The following MINDY1 variants were observed in gnomAD, a reference collection of about 807,000 sequenced individuals.
MINDY1 encodes MINDY lysine 48 deubiquitinase 1, also known as ubiquitin carboxyl-terminal hydrolase MINDY-1.
Under a neutral mutation model 53.6 loss-of-function variants are expected in MINDY1, and 50 were observed. The observed-to-expected ratio is 0.93, with a 90% CI of 0.74 to 1.18. The LOEUF (loss-of-function observed/expected upper bound fraction) is 1.18, where lower values mean the gene tolerates loss of function less well. MINDY1 is among the 50% of genes most tolerant of loss of function. The pLI is 0.00. For synonymous variants in MINDY1, 231 were observed against 234.7 expected (o/e 0.98, Z 0.14); for missense variants, 484 against 578.6 (o/e 0.84, Z 1.68).
chr1:151,006,969 T>G, upstream of MINDY1: 4 of 880,960 alleles, frequency 4.5e-6, no homozygotes, highest in Non-Finnish European at 4.1e-6. Flanking sequence ...AGAAGCAGCT[T>G]GTTGGATCTG....
Position 151,002,585 on chromosome 1 carries a change from A to G in MINDY1, c.33T>C (p.Pro11=), listed in dbSNP as rs754063478. The part of the protein sequence containing the change: MEYHQPEDPA[P]GKAGTAEAVI... ...CTGCTTCTGCAGTCCCGGCCTTACC[A>G]GGGGCTGGATCCTCAGGCTGATGGT... Residue 11 remains proline (P), a synonymous_variant, in exon 2 of 10, where the codon CCT becomes CCC. Transcript: ENST00000683666. This position sits in a 1 kb window ranked among gnomAD's most constrained non-coding sequence, Gnocchi z 4.1. 6.2e-6 allele frequency: 10 copies of G among 1,614,164 alleles called. No individual in the cohort carries two copies. In the Admixed American group the frequency reaches 1.5e-4, roughly 24 times the overall value.
chr1:151,003,440 G>C (rs983424502), intron 1 of MINDY1, among the ~76,000 whole-genome samples: 1 of 152,148 alleles, frequency 6.6e-6, no homozygotes, highest in Non-Finnish European at 1.5e-5. Context: ...TGTAAGCTGG[G>C]AGGGGAAATG....
rs1571732081 is a variant in MINDY1 at position 151,002,841 on chromosome 1, G to A, written c.-89-135C>T. 10 of 1,438,510 alleles carry A rather than the reference G, an allele frequency of 7.0e-6. No homozygotes were observed. Among genetic ancestry groups the A allele is most frequent in the Non-Finnish European group, 9.1e-7 (1 of 1,099,452 alleles). 89.1% of individuals were successfully genotyped at this position (1,438,510 alleles called of 1,614,324 possible). ...GCTATGGGCAGTATATGTGTAAACA[G>A]AAGGGCCCCGTGCTGAGCTCTTTCC... On this transcript the variant is annotated intron_variant, in intron 1 of 9. Coordinates refer to ENST00000683666, the MANE Select transcript of MINDY1 (RefSeq NM_001376665.1). This position sits in a 1 kb window ranked among gnomAD's most constrained non-coding sequence, Gnocchi z 4.1.
chr1:151,002,769 A>C lies in MINDY1; in HGVS notation c.-89-63T>G. ...AACTAACCCAGAAAAGTCTTGGAAA[A>C]GGAATGTAGTGTAGAAGGCTGGCTA... is the stretch of plus-strand genomic sequence containing the variant. On this transcript the variant is annotated intron_variant, in intron 1 of 9. Coordinates refer to ENST00000683666, the MANE Select transcript of MINDY1 (RefSeq NM_001376665.1). This position sits in a 1 kb window ranked among gnomAD's most constrained non-coding sequence, Gnocchi z 4.1. The C allele has an allele frequency of 2.7e-6, 4 of 1,496,300 alleles. No individual in the cohort carries two copies. Among genetic ancestry groups the C allele is most frequent in the Non-Finnish European group, 3.6e-6 (4 of 1,120,756 alleles). The allele number at this position is 1,496,300 out of a possible 1,614,324, so 92.7% of individuals were successfully genotyped here. A position where few individuals can be genotyped will look rare whatever the true frequency, so the allele number is the denominator to read the frequency against.
At chr1:151,003,812 G>A (rs1672832492) in intron 1 of MINDY1, among the ~76,000 whole-genome samples, 1 of 152,134 alleles carries the variant, frequency 6.6e-6, no homozygotes, top group African/African-American at 2.4e-5. Flanking sequence ...TCTCTTGCCT[G>A]CTATTTCTAT....
Position 151,002,142 on chromosome 1 carries a change from C to T in MINDY1, c.453+23G>A. On this transcript the variant is annotated intron_variant, in intron 2 of 9. Transcript: ENST00000683666. The surrounding 1 kb of genome is among the most constrained non-coding windows in gnomAD (Gnocchi z 4.1). ...AGAGTACTCCCTGATATTTTTTGCA[C>T]CCCTAACTGCATGTTCTCTTACCTT... 6.4e-7 allele frequency: 1 copy of T among 1,570,694 alleles called. No homozygotes were observed. Among genetic ancestry groups the T allele is most frequent in the East Asian group, 2.2e-5 (1 of 44,588 alleles).
chr1:151,002,306 G>C lies in MINDY1; in HGVS notation c.312C>G (p.Pro104=), dbSNP rs766384892. Residue 104 remains proline (P), a synonymous_variant, in exon 2 of 10, where the codon CCC becomes CCG. Transcript: ENST00000683666. The surrounding 1 kb of genome is among the most constrained non-coding windows in gnomAD (Gnocchi z 4.1). ...AATCTGGCTCAGGCTGTCGGGTCCT[G>C]GGGGACTGAGGAAGCTCCTGGGGCA... ...CSMPQELPQS[P]RTRQPEPDFY... The C allele has an allele frequency of 4.3e-6, 7 of 1,614,166 alleles. No individual in the cohort carries two copies. The highest frequency in any genetic ancestry group is 5.9e-6 in the Non-Finnish European group (7 of 1,180,030).
At position 151,002,227 on chromosome 1, in the gene MINDY1, G is replaced by A; in HGVS notation, c.391C>T (p.Gln131Ter). Residue 131 changes from glutamine (Q) to a stop codon, truncating the protein, a stop_gained, in exon 2 of 10, where the codon CAG (glutamine) becomes TAG (stop). Transcript: ENST00000683666. LOFTEE classifies it high-confidence loss of function. This position sits in a 1 kb window ranked among gnomAD's most constrained non-coding sequence, Gnocchi z 4.1. ...WKGEQTPIIT[Q>*]STNGPCPLLA... is the part of the protein sequence containing the mutation. Reference sequence around the variant, plus strand: ...AGAGGGCAAGGGCCGTTAGTGCTCTGGGTGATGATGGGTGTCTGTTCTCCT... The same window carrying A: ...AGAGGGCAAGGGCCGTTAGTGCTCTAGGTGATGATGGGTGTCTGTTCTCCT... The A allele has an allele frequency of 6.2e-7, 1 of 1,614,166 alleles. No homozygotes were observed. Among genetic ancestry groups the A allele is most frequent in the South Asian group, 1.1e-5 (1 of 91,072 alleles).
intron 1 of MINDY1, 155 bp downstream of exon 1, chr1:151,006,157 C>T (rs1355323378): frequency 6.4e-7 from 1 of 1,551,612 alleles, no homozygotes; most frequent in Non-Finnish European, 8.7e-7. Context: ...AAGCAGCATC[C>T]CCTTTACATG....
Position 150,998,088 on chromosome 1 carries a change from T to C in MINDY1, c.1167A>G (p.Val389=). 1 of 1,610,686 alleles carries C rather than the reference T, an allele frequency of 6.2e-7. No homozygotes were observed. ...TCCTAAGTGCCCTACACACCTGGTCTACCTGCAGCTGCGTTTCTGGGGAGC... is the reference window on the plus strand; with the variant it reads ...TCCTAAGTGCCCTACACACCTGGTCCACCTGCAGCTGCGTTTCTGGGGAGC... ...GSGSPETQLQ[V]DQDYLIALSL... The change falls in exon 8 of 10, where the codon GTA becomes GTG. Residue 389 remains valine (V), a synonymous_variant. Coordinates refer to ENST00000683666, the MANE Select transcript of MINDY1 (RefSeq NM_001376665.1).
At chr1:151,001,418 C>G (rs915546099) in intron 3 of MINDY1, 104 bp from the exon 4 acceptor site, 3 of 1,312,528 alleles carry the variant, frequency 2.3e-6, no homozygotes, top group Non-Finnish European at 3.2e-6. Context: ...CACAGATTTT[C>G]AGAGCTGGAA....
rs1210247304 is a variant in MINDY1 at position 150,999,384 on chromosome 1, G to T, written c.966C>A (p.Thr322=). Residue 322 remains threonine, a synonymous_variant, in exon 7 of 10, where the codon ACC becomes ACA. Transcript: ENST00000683666. The surrounding 1 kb of genome is among the most constrained non-coding windows in gnomAD (Gnocchi z 4.4). ...SVFFRNNHFS[T]MTKHKSHLYL... ...CTCGCATTACCTTATGCTTAGTCAT[G>T]GTGCTAAAGTGGTTGTTTCGGAAAA... The T allele has an allele frequency of 1.2e-6, 2 of 1,613,994 alleles. No individual in the cohort carries two copies. Among genetic ancestry groups the T allele is most frequent in the African/African-American group, 2.7e-5 (2 of 74,884 alleles).
upstream of MINDY1, chr1:151,007,015 G>T: frequency 2.4e-6 from 1 of 418,474 alleles, no homozygotes; most frequent in Non-Finnish European, 3.2e-6. Context: ...CTTTGCTCTG[G>T]ATCCACAGAA....
At chr1:150,997,555 A>G (rs774237923) in intron 9 of MINDY1, 69 bp downstream of exon 9, 4 of 1,601,234 alleles carry the variant, frequency 2.5e-6, no homozygotes, top group Non-Finnish European at 3.4e-6. Flanking sequence ...TGCAGGAATA[A>G]CAGGTGTTCT....
chr1:151,005,281 A>G (rs1673053070), intron 1 of MINDY1, among the ~76,000 whole-genome samples: 1 of 151,944 alleles, frequency 6.6e-6, no homozygotes, highest in Non-Finnish European at 1.5e-5. Flanking sequence ...GCGAAACCCC[A>G]TCTCTACTAA....
intron 1 of MINDY1, chr1:151,005,978 T>A (rs1332238770): frequency 1.6e-6 from 2 of 1,286,418 alleles, no homozygotes; most frequent in Non-Finnish European, 2.1e-6. Flanking sequence ...GTAGGAACAG[T>A]TCCCTTACTG....
At chr1:150,998,294 C>G in intron 7 of MINDY1, 21 bp from the exon 8 acceptor site, 5 of 1,595,088 alleles carry the variant, frequency 3.1e-6, no homozygotes, top group Non-Finnish European at 4.3e-6. Context: ...AAGAACAGAG[C>G]TCATTGGGGG....
At chr1:151,006,223 G>C in intron 1 of MINDY1, 89 bp downstream of exon 1, 1 of 1,539,142 alleles carries the variant, frequency 6.5e-7, no homozygotes, top group Admixed American at 2.0e-5. Context: ...AAGGTGGAAG[G>C]ACAGCAGGTG....
rs147710927 is a variant in MINDY1, at chr1:150,997,084, G to T, written c.*203C>A. On this transcript the variant is annotated 3_prime_UTR_variant, in exon 10 of 10. Coordinates refer to ENST00000683666, the MANE Select transcript of MINDY1 (RefSeq NM_001376665.1). ...CCAGAAACCCACCAATCCTAGTGTT[G>T]CCCTGGATGGGAGGCAGAGAAGGCA... is the stretch of plus-strand genomic sequence containing the variant. The T allele has an allele frequency of 2.3e-3, 1,415 of 610,652 alleles. 18 individuals are homozygous for T. Among genetic ancestry groups the T allele is most frequent in the East Asian group, 0.01 (370 of 35,920 alleles). The allele number at this position is 610,652 out of a possible 1,614,324, so 37.8% of individuals were successfully genotyped here.
Sources: gnomAD v4.1 joint callset for allele counts (sites outside exome capture counted in the v4.1 genomes callset) on GRCh38, gnomAD v4.1.1 for gene constraint, Gnocchi (gnomAD v3.1) non-coding constraint, MANE v1.5 for transcripts, NCBI Gene and HGNC (gene_info 2026-07-23, HGNC 2026-07-21) for gene names.